The following PCDHGA3 variants were observed in gnomAD, a reference collection of about 807,000 sequenced individuals.
PCDHGA3 encodes the protein protocadherin gamma-A3.
PCDHGA3 carries 40 observed loss-of-function variants against 58.5 expected under a neutral mutation model. The ratio of observed to expected loss-of-function variants is 0.68; its 90% CI spans 0.53 to 0.89. The LOEUF is 0.89. Ranked by LOEUF, PCDHGA3 falls within the 40% of genes least tolerant of loss-of-function variation. The pLI, the probability that PCDHGA3 is intolerant of heterozygous loss-of-function variation, is 0.00. For missense variants in PCDHGA3, 1,223 were observed against 1,195.9 expected (o/e 1.02, Z -0.33); for synonymous variants, 530 against 525.7 (o/e 1.01, Z -0.11).
intron 1 of PCDHGA3, chr5:141,417,501 A>T: frequency 4.4e-6 from 1 of 227,168 alleles, no homozygotes. Flanking sequence ...GAGGAAAAAG[A>T]TTAAAATATT....
Position 141,344,421 on chromosome 5 carries a change from GCTC to G in PCDHGA3, c.391_393del (p.Pro131del). The stretch of plus-strand genomic sequence containing the variant: ...AGAAATTAAAGATATTAATGATAAT[GCTC>G]CTAATTTCCCAACAGAGGAATTGGA... On this transcript the variant is annotated inframe_deletion, in exon 1 of 4. Coordinates refer to ENST00000253812, the MANE Select transcript of PCDHGA3 (RefSeq NM_018916.4). The G allele has an allele frequency of 1.9e-6, 3 of 1,612,454 alleles. No homozygotes were observed. Among genetic ancestry groups the G allele is most frequent in the South Asian group, 1.1e-5 (1 of 90,866 alleles).
At chr5:141,364,596 G>C (rs1763432941) in intron 1 of PCDHGA3, 1 of 1,614,090 alleles carries the variant, frequency 6.2e-7, no homozygotes, top group Non-Finnish European at 8.5e-7. Context: ...ACCGCGGGCA[G>C]GATAGACCGG....
Position 141,491,797 on chromosome 5 carries a change from G to C in PCDHGA3, c.2425-3010G>C, listed in dbSNP as rs537755017. The C allele has an allele frequency of 7.9e-5, 119 of 1,506,700 alleles. No homozygotes were observed. In the Admixed American group the frequency reaches 1.4e-3, roughly 18 times the overall value. 93.3% of individuals were successfully genotyped at this position (1,506,700 alleles called of 1,614,324 possible). On this transcript the variant is annotated intron_variant, in intron 1 of 3. Coordinates refer to ENST00000253812, the MANE Select transcript of PCDHGA3 (RefSeq NM_018916.4). The surrounding 1 kb of genome is among the most constrained non-coding windows in gnomAD (Gnocchi z 6.9). The stretch of plus-strand genomic sequence containing the variant: ...ATTGAACTTGCATCCACTCCTCTCC[G>C]GCCGGCTTGGTCGCTGGCTGCGCTC...
Position 141,511,315 on chromosome 5 carries a change from G to A in PCDHGA3, c.*142G>A. ...AAGGCCATGCTCCCCTTGGGAAACA[G>A]AAACAAGTGCCCAGTCAGCACCTAC... On this transcript the variant is annotated 3_prime_UTR_variant, in exon 4 of 4. Coordinates refer to ENST00000253812, the MANE Select transcript of PCDHGA3 (RefSeq NM_018916.4). 6.8e-7 allele frequency: 1 copy of A among 1,481,384 alleles called. No individual in the cohort carries two copies. Among genetic ancestry groups the A allele is most frequent in the Non-Finnish European group, 9.0e-7 (1 of 1,110,974 alleles). 91.8% of individuals were successfully genotyped at this position (1,481,384 alleles called of 1,614,324 possible).
At chr5:141,351,721 T>C (rs770021932) in intron 1 of PCDHGA3, 1 of 1,613,810 alleles carries the variant, frequency 6.2e-7, no homozygotes, top group East Asian at 2.2e-5. Flanking sequence ...CCTACTCTAT[T>C]CTGGCCAGTG....
chr5:141,460,995 A>ATG lies in PCDHGA3; in HGVS notation c.2425-33808_2425-33807dup, dbSNP rs1561986931. Among the ~76,000 whole-genome samples the ATG allele has an allele frequency of 5.3e-5, 8 of 150,188 alleles. No homozygotes were observed. The East Asian group carries it at 1.4e-3, about 26-fold the overall frequency. On this transcript the variant is annotated intron_variant, in intron 1 of 3. Transcript: ENST00000253812. ...TGTGTGTGTGTGTGTATATATATAT[A>ATG]TGTGTATATATATATACCACATTTT...
intron 1 of PCDHGA3, among the ~76,000 whole-genome samples, chr5:141,369,500 C>G (rs1329582945): frequency 2.0e-5 from 3 of 151,738 alleles, no homozygotes; most frequent in Non-Finnish European, 4.4e-5. Context: ...AACCCCACCT[C>G]TATAGAAAAA....
chr5:141,353,282 T>G (rs1759236412), intron 1 of PCDHGA3, among the ~76,000 whole-genome samples: 1 of 152,194 alleles, frequency 6.6e-6, no homozygotes. Flanking sequence ...TTCAAGTCAT[T>G]TTATTCTTAG....
intron 1 of PCDHGA3, chr5:141,427,757 C>A: frequency 7.5e-7 from 1 of 1,340,702 alleles, no homozygotes; most frequent in Non-Finnish European, 1.1e-6. Flanking sequence ...CCATCGTTAC[C>A]ACTGACTTGG....
rs57426385 is a variant in PCDHGA3, at chr5:141,415,740, G to GTTTTTTTTTTTT, written c.2424+69304_2424+69315dup. 137 of 625,016 alleles carry GTTTTTTTTTTTT rather than the reference G, an allele frequency of 2.2e-4. 2 individuals carry two copies. The highest frequency in any genetic ancestry group is 3.5e-4 in the Admixed American group (5 of 14,120). The allele number at this position is 625,016 out of a possible 1,614,324, so 38.7% of individuals were successfully genotyped here. On this transcript the variant is annotated intron_variant, in intron 1 of 3. Coordinates refer to ENST00000253812, the MANE Select transcript of PCDHGA3 (RefSeq NM_018916.4). ...TGAGTAGAATTTGATGTTTATTAAG[G>GTTTTTTTTTTTT]TTTTTTTTTTTTTTTTTTTTTTTTT... is the stretch of plus-strand genomic sequence containing the variant.
rs955615446 is a variant in PCDHGA3 at position 141,420,343 on chromosome 5, ATTATT to A, written c.2424+73890_2424+73894del. Reference sequence around the variant, plus strand: ...TGCCAATATATTCCAATATAGTGGTATTATTTTAAGATTCTAGATAACTTCTTCAT... The same window carrying A: ...TGCCAATATATTCCAATATAGTGGTATTAAGATTCTAGATAACTTCTTCAT... On this transcript the variant is annotated intron_variant, in intron 1 of 3. Transcript: ENST00000253812. 8 of 1,394,426 alleles carry A rather than the reference ATTATT, an allele frequency of 5.7e-6. No homozygotes were observed. In the African/African-American group the frequency reaches 1.2e-4, roughly 20 times the overall value. 86.4% of individuals were successfully genotyped at this position (1,394,426 alleles called of 1,614,324 possible).
chr5:141,399,460 G>A, intron 1 of PCDHGA3: 1 of 1,613,962 alleles, frequency 6.2e-7, no homozygotes, highest in Middle Eastern at 1.6e-4. Context: ...CAACGATAAC[G>A]CTCCGGTTTT....
At position 141,486,415 on chromosome 5, in the gene PCDHGA3, T is replaced by C. The variant is rs745877804; in HGVS notation, c.2425-8392T>C. On this transcript the variant is annotated intron_variant, in intron 1 of 3. Transcript: ENST00000253812. The surrounding 1 kb of genome is among the most constrained non-coding windows in gnomAD (Gnocchi z 5.0). ...CCCTGGTGACTGCTGGACCCTTGGA[T>C]CGAGAGGCCAAATCTAGCTATGACA... 6.2e-7 allele frequency: 1 copy of C among 1,614,176 alleles called. No individual in the cohort carries two copies. The highest frequency in any genetic ancestry group is 8.5e-7 in the Non-Finnish European group (1 of 1,180,022).
At chr5:141,364,666 C>T in intron 1 of PCDHGA3, 2 of 1,614,024 alleles carry the variant, frequency 1.2e-6, no homozygotes, top group South Asian at 1.1e-5. Flanking sequence ...TGGTTGAGAA[C>T]AAAATGAAAA....
At chr5:141,482,366 AT>A (rs1425349819) in intron 1 of PCDHGA3, among the ~76,000 whole-genome samples, 1 of 152,150 alleles carries the variant, frequency 6.6e-6, no homozygotes, top group Non-Finnish European at 1.5e-5. Flanking sequence ...GTGAAAAGTA[AT>A]GCATATAAAG....
Position 141,475,063 on chromosome 5 carries a change from C to T in PCDHGA3, c.2425-19744C>T, listed in dbSNP as rs552623067. Among the ~76,000 whole-genome samples the T allele has an allele frequency of 1.1e-4, 16 of 152,320 alleles. No individual in the cohort carries two copies. The South Asian group carries it at 2.9e-3, about 28-fold the overall frequency. The stretch of plus-strand genomic sequence containing the variant: ...TTGTATTTTCTAAAGATTTGTGGAG[C>T]TTTGCTGCCATTATTTCAATAATTT... On this transcript the variant is annotated intron_variant, in intron 1 of 3. Coordinates refer to ENST00000253812, the MANE Select transcript of PCDHGA3 (RefSeq NM_018916.4).
At chr5:141,385,295 A>C (rs1422997974) in intron 1 of PCDHGA3, 1 of 1,613,146 alleles carries the variant, frequency 6.2e-7, no homozygotes, top group African/African-American at 1.3e-5. Context: ...GATTTTCAGG[A>C]ATGTAAAGAA....
chr5:141,399,755 G>A (rs1420211451), intron 1 of PCDHGA3: 1 of 1,613,232 alleles, frequency 6.2e-7, no homozygotes, highest in African/African-American at 1.3e-5. Context: ...GCAAACGTGA[G>A]CCTGCGCGTG....
intron 1 of PCDHGA3, chr5:141,414,744 C>T (rs1381345965): frequency 6.2e-7 from 1 of 1,614,210 alleles, no homozygotes; most frequent in Non-Finnish European, 8.5e-7. Context: ...CACTCAGATC[C>T]TTCGACTATG....
Sources: allele counts gnomAD v4.1 joint callset (sites outside exome capture counted in the v4.1 genomes callset), GRCh38; gene constraint gnomAD v4.1.1; non-coding constraint Gnocchi (gnomAD v3.1); transcripts MANE v1.5; gene names NCBI Gene and HGNC (gene_info 2026-07-23, HGNC 2026-07-21).